NREP: variants seen among roughly 807,000 people sequenced by gnomAD.
NREP encodes neuronal regeneration related protein.
NREP carries 5 observed loss-of-function variants against 8.6 expected under a neutral mutation model. That is an observed-to-expected ratio of 0.58 (90% CI 0.30 to 1.22). NREP has a LOEUF of 1.22. Among genes scored for constraint, NREP ranks in the 50% most tolerant of loss-of-function variants. The pLI is 0.07. For missense variants in NREP, 86 were observed against 82.5 expected (o/e 1.04, Z -0.17); for synonymous variants, 27 against 28.0 (o/e 0.96, Z 0.11).
At chr5:111,838,449 A>C (rs1351325574) in intron 2 of NREP, among the ~76,000 whole-genome samples, 3 of 152,130 alleles carry the variant, frequency 2.0e-5, no homozygotes, top group African/African-American at 7.2e-5. Context: ...TTGGCTGTGG[A>C]GGTATTTTGT....
At chr5:111,760,076 G>A (rs1750927483), upstream of NREP, among the ~76,000 whole-genome samples, 1 of 152,218 alleles carries the variant, frequency 6.6e-6, no homozygotes, top group Non-Finnish European at 1.5e-5. Flanking sequence ...ATTGACTTCA[G>A]CTAAGATGTC....
chr5:111,948,941 G>C (rs1308313033), intron 2 of NREP: 2 of 151,996 alleles, frequency 1.3e-5, no homozygotes, highest in Non-Finnish European at 2.9e-5. Context: ...CAATATTGCT[G>C]ATTAATCTCT....
At chr5:111,757,725 G>GCCCCGC (rs1750824028), upstream of NREP, 3 of 984,528 alleles carry the variant, frequency 3.0e-6, no homozygotes, top group South Asian at 1.4e-4. Flanking sequence ...CTGCGCCCCG[G>GCCCCGC]CCCCGCCCCG....
chr5:111,794,566 G>T (rs766886218), intron 2 of NREP, among the ~76,000 whole-genome samples: 4 of 152,132 alleles, frequency 2.6e-5, no homozygotes, highest in Non-Finnish European at 5.9e-5. Flanking sequence ...AGTGAAAGAA[G>T]CCAATCTGAA....
intron 2 of NREP, among the ~76,000 whole-genome samples, chr5:111,803,397 T>C (rs1752062674): frequency 6.6e-6 from 1 of 152,180 alleles, no homozygotes; most frequent in Non-Finnish European, 1.5e-5. Flanking sequence ...AACTAAATTT[T>C]TTGTCTAAAA....
At chr5:111,894,510 G>C (rs1336229642) in intron 2 of NREP, among the ~76,000 whole-genome samples, 3 of 151,736 alleles carry the variant, frequency 2.0e-5, no homozygotes, top group Admixed American at 2.0e-4. Flanking sequence ...GGGATTTGGA[G>C]ACTCCTATCA....
chr5:111,853,528 T>C (rs1474491719), intron 2 of NREP, among the ~76,000 whole-genome samples: 1 of 152,158 alleles, frequency 6.6e-6, no homozygotes, highest in African/African-American at 2.4e-5. Flanking sequence ...CATTTAATTT[T>C]TTCATAAATC....
chr5:111,844,416 A>G (rs144692217), intron 2 of NREP, among the ~76,000 whole-genome samples: 6 of 151,758 alleles, frequency 4.0e-5, no homozygotes, highest in Admixed American at 3.9e-4. Flanking sequence ...AATTATTTTT[A>G]CAGTTAATGA....
At chr5:111,842,023 G>T (rs1197498410) in intron 2 of NREP, among the ~76,000 whole-genome samples, 2 of 152,026 alleles carry the variant, frequency 1.3e-5, no homozygotes, top group Non-Finnish European at 2.9e-5. Context: ...CATTGCTGTT[G>T]AGTGCTATAC....
At chr5:111,930,442 T>C (rs772177036) in intron 2 of NREP, among the ~76,000 whole-genome samples, 1 of 152,224 alleles carries the variant, frequency 6.6e-6, no homozygotes, top group Non-Finnish European at 1.5e-5. Flanking sequence ...GTTAAAAATG[T>C]ATTTTATGAT....
intron 2 of NREP, among the ~76,000 whole-genome samples, chr5:111,886,696 A>G (rs1035684569): frequency 1.3e-5 from 2 of 151,304 alleles, no homozygotes; most frequent in African/African-American, 2.4e-5. Flanking sequence ...ATTGGAAATC[A>G]TCATTCTCAG....
chr5:111,812,939 A>T (rs1183539109), intron 2 of NREP, among the ~76,000 whole-genome samples: 2 of 152,216 alleles, frequency 1.3e-5, no homozygotes, highest in Non-Finnish European at 2.9e-5. Flanking sequence ...TTAAGTAGCT[A>T]GGCCATAGTC....
intron 2 of NREP, among the ~76,000 whole-genome samples, chr5:111,933,258 G>T (rs1021503182): frequency 1.1e-4 from 16 of 152,114 alleles, no homozygotes; most frequent in African/African-American, 3.6e-4. Flanking sequence ...TCTGCCACCC[G>T]GGAAAGGAGG....
At chr5:111,794,214 G>A (rs914655525) in intron 2 of NREP, among the ~76,000 whole-genome samples, 2 of 152,180 alleles carry the variant, frequency 1.3e-5, no homozygotes, top group Non-Finnish European at 2.9e-5. Flanking sequence ...CTCATTCATT[G>A]CTGTTCAGAA....
intron 2 of NREP, among the ~76,000 whole-genome samples, chr5:111,942,854 G>C (rs1406258290): frequency 6.6e-6 from 1 of 152,008 alleles, no homozygotes; most frequent in African/African-American, 2.4e-5. Flanking sequence ...CAAGTTACTG[G>C]AACTGTCCAT....
At chr5:111,777,110 T>C (rs749092248) in intron 2 of NREP, among the ~76,000 whole-genome samples, 1 of 151,918 alleles carries the variant, frequency 6.6e-6, no homozygotes, top group Non-Finnish European at 1.5e-5. Context: ...AGCTAGATTG[T>C]TAAGTGAAAG....
chr5:111,878,207 T>G, intron 2 of NREP, among the ~76,000 whole-genome samples: 1 of 152,158 alleles, frequency 6.6e-6, no homozygotes. Flanking sequence ...AATTAAATAT[T>G]CATATAATAG....
chr5:111,877,223 T>C (rs1055272794), intron 2 of NREP, among the ~76,000 whole-genome samples: 1 of 152,338 alleles, frequency 6.6e-6, no homozygotes, highest in South Asian at 2.1e-4. Flanking sequence ...CCTTCATTCT[T>C]GGTTGCTGCT....
intron 2 of NREP, among the ~76,000 whole-genome samples, chr5:111,862,289 G>A (rs1753560294): frequency 1.3e-5 from 2 of 152,254 alleles, no homozygotes; most frequent in South Asian, 2.1e-4. Flanking sequence ...GGTGCATGCT[G>A]GTGCAGAAAA....
Sources: gnomAD v4.1 joint callset for allele counts (sites outside exome capture counted in the v4.1 genomes callset) on GRCh38, gnomAD v4.1.1 for gene constraint, MANE v1.5 for transcripts, NCBI Gene and HGNC (gene_info 2026-07-23, HGNC 2026-07-21) for gene names.